The following MIB1 variants were observed in gnomAD, a reference collection of about 807,000 sequenced individuals.
The protein encoded by MIB1 is MIB E3 ubiquitin protein ligase 1, also known as E3 ubiquitin-protein ligase MIB1.
In MIB1, 278 loss-of-function variants were observed where a neutral mutation model predicts 124.5. That is an observed-to-expected ratio of 2.23 (90% CI 2.02 to 2.47). The LOEUF (loss-of-function observed/expected upper bound fraction) is 2.47. MIB1 is among the 30% of genes most tolerant of loss of function. The pLI, the probability that MIB1 is intolerant of heterozygous loss-of-function variation, is 0.00. For synonymous variants in MIB1, 446 were observed against 429.4 expected (o/e 1.04, Z -0.48); for missense variants, 957 against 1,254.4 (o/e 0.76, Z 3.58).
chr18:21,777,527 A>C, intron 4 of MIB1, among the ~76,000 whole-genome samples: 2 of 152,248 alleles, frequency 1.3e-5, no homozygotes, highest in Middle Eastern at 6.8e-3. Context: ...TTTTAGTCTA[A>C]TGTAATAAGA....
Position 21,773,613 on chromosome 18 carries a change from T to C in MIB1, c.532-11T>C. ...TTAAAAAACTTCTTTTCTCAAAAACTATTCTGTTAGGTAACAGAAATCCAG... is the reference window on the plus strand; with the variant it reads ...TTAAAAAACTTCTTTTCTCAAAAACCATTCTGTTAGGTAACAGAAATCCAG... On this transcript the variant is annotated splice_polypyrimidine_tract_variant and intron_variant, in intron 3 of 20. Coordinates refer to ENST00000261537, the MANE Select transcript of MIB1 (RefSeq NM_020774.4). The C allele has an allele frequency of 6.3e-7, 1 of 1,583,268 alleles. No homozygotes were observed. Among genetic ancestry groups the C allele is most frequent in the Non-Finnish European group, 8.6e-7 (1 of 1,160,114 alleles).
At chr18:21,838,048 C>T (rs2042049553) in intron 12 of MIB1, among the ~76,000 whole-genome samples, 1 of 152,104 alleles carries the variant, frequency 6.6e-6, no homozygotes, top group Non-Finnish European at 1.5e-5. Context: ...CTCCTTGTAG[C>T]ACTTCCATTC....
intron 4 of MIB1, among the ~76,000 whole-genome samples, chr18:21,774,552 C>T (rs531264102): frequency 6.6e-6 from 1 of 152,290 alleles, no homozygotes; most frequent in Non-Finnish European, 1.5e-5. Flanking sequence ...GCCGAGATCA[C>T]GCCATTGTAC....
chr18:21,807,497 G>T (rs1380180265), intron 10 of MIB1, among the ~76,000 whole-genome samples: 1 of 152,164 alleles, frequency 6.6e-6, no homozygotes, highest in African/African-American at 2.4e-5. Context: ...TAGGATATAA[G>T]AATTAACATT....
At chr18:21,793,625 A>G (rs1648483013) in intron 7 of MIB1, among the ~76,000 whole-genome samples, 1 of 151,684 alleles carries the variant, frequency 6.6e-6, no homozygotes, top group Admixed American at 6.6e-5. Flanking sequence ...TACTAAAAAT[A>G]CAAAAATTAG....
At chr18:21,854,091 A>C (rs1446004232) in intron 18 of MIB1, among the ~76,000 whole-genome samples, 1 of 151,382 alleles carries the variant, frequency 6.6e-6, no homozygotes, top group African/African-American at 2.4e-5. Flanking sequence ...CTTCTGTAAC[A>C]TTTTGCCTAA....
At chr18:21,854,563 G>A (rs1409570018) in intron 18 of MIB1, 1 of 159,198 alleles carries the variant, frequency 6.3e-6, no homozygotes, top group Non-Finnish European at 1.3e-5. Flanking sequence ...TTCCCCCCAG[G>A]AGCTTCCAGA....
intron 12 of MIB1, chr18:21,825,540 C>CT (rs1451895320): frequency 6.0e-6 from 2 of 332,886 alleles, no homozygotes; most frequent in African/African-American, 2.3e-5. Flanking sequence ...TTTCATAAAG[C>CT]TTTTTATAAA....
At chr18:21,858,784 A>C in intron 20 of MIB1, 138 bp downstream of exon 20, 2 of 544,754 alleles carry the variant, frequency 3.7e-6, no homozygotes, top group Non-Finnish European at 6.7e-6. Flanking sequence ...AATGAGTAAT[A>C]ATCTGATTAG....
intron 6 of MIB1, among the ~76,000 whole-genome samples, chr18:21,790,198 G>A (rs1213503036): frequency 6.6e-6 from 1 of 152,154 alleles, no homozygotes; most frequent in East Asian, 1.9e-4. Flanking sequence ...ACAGCAGTTT[G>A]GCTCTATTGG....
intron 13 of MIB1, among the ~76,000 whole-genome samples, chr18:21,840,071 A>G (rs922394275): frequency 6.6e-6 from 1 of 152,134 alleles, no homozygotes; most frequent in African/African-American, 2.4e-5. Context: ...GTCACTCAAT[A>G]GAATTGTTTT....
chr18:21,713,158 A>G (rs1415301337), intron 1 of MIB1, among the ~76,000 whole-genome samples: 1 of 152,018 alleles, frequency 6.6e-6, no homozygotes, highest in African/African-American at 2.4e-5. Context: ...TCATAGAGAC[A>G]GGGTCTCACT....
chr18:21,847,519 T>C (rs2042145525), intron 16 of MIB1, among the ~76,000 whole-genome samples: 1 of 152,198 alleles, frequency 6.6e-6, no homozygotes, highest in African/African-American at 2.4e-5. Flanking sequence ...TTTTTAAAAA[T>C]ACGTCTTGCT....
chr18:21,825,691 G>T (rs925855039), intron 12 of MIB1: 2 of 530,922 alleles, frequency 3.8e-6, no homozygotes, highest in South Asian at 1.4e-5. Context: ...TGGTTGTCCC[G>T]TAGTAATCAA....
chr18:21,768,540 A>C lies in MIB1; in HGVS notation c.402-83A>C. On this transcript the variant is annotated intron_variant, in intron 2 of 20. Transcript: ENST00000261537. ...GAAGAATCTTTTTACTTTCAAAATA[A>C]CATTTTTATAATTTTGTTTTAAAAA... 3 of 1,013,130 alleles carry C rather than the reference A, an allele frequency of 3.0e-6. No homozygotes were observed. In the South Asian group the frequency reaches 4.8e-5, roughly 16 times the overall value. The allele number at this position is 1,013,130 out of a possible 1,614,324, so 62.8% of individuals were successfully genotyped here.
chr18:21,743,332 C>G (rs1295551035), intron 1 of MIB1, among the ~76,000 whole-genome samples: 1 of 152,146 alleles, frequency 6.6e-6, no homozygotes, highest in Non-Finnish European at 1.5e-5. Context: ...GGTGATTGTT[C>G]CATTGTTTCA....
intron 1 of MIB1, among the ~76,000 whole-genome samples, chr18:21,729,155 T>C (rs1265702114): frequency 6.6e-6 from 1 of 152,236 alleles, no homozygotes; most frequent in Non-Finnish European, 1.5e-5. Context: ...TCTGATTATA[T>C]AGAACTGTGT....
chr18:21,714,451 G>A (rs1303074069), intron 1 of MIB1, among the ~76,000 whole-genome samples: 2 of 152,112 alleles, frequency 1.3e-5, no homozygotes, highest in Admixed American at 6.6e-5. Context: ...ACCCACTCCT[G>A]CTCAGTATAT....
In MIB1 at chr18:21,857,157, TG is replaced by T; in HGVS notation, c.2694del (p.Gln899SerfsTer5). On this transcript the variant is annotated frameshift_variant, in exon 19 of 21. Coordinates refer to ENST00000261537, the MANE Select transcript of MIB1 (RefSeq NM_020774.4). LOFTEE classifies it high-confidence loss of function. ...TGTGCTAACCTGATGAAAAAGTGTG[TG>T]CAGTGTCGAGCAGTAGTTGAACGAA... ...ENCANLMKKC[V>X]QCRAVVERRV... is the part of the protein sequence containing the mutation. 6.2e-7 allele frequency: 1 copy of T among 1,614,184 alleles called. No homozygotes were observed. Among genetic ancestry groups the T allele is most frequent in the Non-Finnish European group, 8.5e-7 (1 of 1,179,988 alleles).
Sources: gnomAD v4.1 joint callset for allele counts (sites outside exome capture counted in the v4.1 genomes callset) on GRCh38, gnomAD v4.1.1 for gene constraint, MANE v1.5 for transcripts, NCBI Gene and HGNC (gene_info 2026-07-23, HGNC 2026-07-21) for gene names.